The following NUDT19 variants were observed in gnomAD, a reference collection of about 807,000 sequenced individuals.
The protein encoded by NUDT19 is nudix hydrolase 19, also known as acyl-coenzyme A diphosphatase NUDT19.
Under a neutral mutation model 22.2 loss-of-function variants are expected in NUDT19, and 31 were observed. The observed-to-expected ratio is 1.40, with a 90% CI of 1.05 to 1.89. The LOEUF (loss-of-function observed/expected upper bound fraction) is 1.89. Ranked by LOEUF, NUDT19 falls within the 40% of genes most tolerant of loss-of-function variation. The pLI, the probability that NUDT19 is intolerant of heterozygous loss-of-function variation, is 0.00. For synonymous variants in NUDT19, 325 were observed against 230.8 expected, an observed-to-expected ratio of 1.41 and a Z score of -3.70; for missense variants, 752 against 514.2, an observed-to-expected ratio of 1.46 and a Z score of -4.47.
intron 1 of NUDT19, among the ~76,000 whole-genome samples, chr19:32,700,300 G>A (rs1271088697): frequency 6.6e-6 from 1 of 152,202 alleles, no homozygotes; most frequent in African/African-American, 2.4e-5. Context: ...TTTACAGAGT[G>A]CTAATTGGTG....
Position 32,706,607 on chromosome 19 carries a change from C to G in NUDT19, c.715-2578C>G, listed in dbSNP as rs1474136689. On this transcript the variant is annotated intron_variant, in intron 1 of 2. Transcript: ENST00000397061. ...CTGAGACAGGAAAATCGCTTGAACC[C>G]AGGAGGTGGAGTTTGCAGTGAGCAG... 3.3e-5 allele frequency among the ~76,000 whole-genome samples: 5 copies of G among 152,270 alleles called. No homozygotes were observed. The East Asian group carries it at 9.6e-4, about 29-fold the overall frequency.
Position 32,692,221 on chromosome 19 carries a change from G to C in NUDT19, c.261G>C (p.Pro87=). 1 of 1,584,050 alleles carries C rather than the reference G, an allele frequency of 6.3e-7. No individual in the cohort carries two copies. Among genetic ancestry groups the C allele is most frequent in the Non-Finnish European group, 8.5e-7 (1 of 1,174,008 alleles). ...LGLFAPHHGP[P]RFGLGPAPFS... is the part of the protein sequence containing the mutation. ...TCTTCGCGCCGCACCACGGGCCGCC[G>C]CGCTTCGGCCTGGGCCCGGCGCCAT... Residue 87 remains proline (P), a synonymous_variant, in exon 1 of 3, where the codon CCG becomes CCC. Transcript: ENST00000397061.
chr19:32,692,317 T>G lies in NUDT19; in HGVS notation c.357T>G (p.Pro119=). The change falls in exon 1 of 3, where the codon CCT becomes CCG. Residue 119 remains proline, a synonymous_variant. Coordinates refer to ENST00000397061, the MANE Select transcript of NUDT19 (RefSeq NM_001105570.2). ...AGACCGACAACACTGGGACGCTGCC[T>G]GAGGACGTAGCCTTCCGCATCTGCG... The part of the protein sequence containing the change: ...DHKTDNTGTL[P]EDVAFRICAV... The G allele has an allele frequency of 1.3e-6, 2 of 1,592,776 alleles. No homozygotes were observed. The highest frequency in any genetic ancestry group is 3.3e-5 in the Admixed American group (2 of 59,704).
rs1232804391 is a variant in NUDT19, at chr19:32,712,255, T to A, written c.*298T>A. On this transcript the variant is annotated 3_prime_UTR_variant, in exon 3 of 3. Transcript: ENST00000397061. ...ATGCCCAGCTAATTTTTTTTTGTAT[T>A]TTTAGTAGAGACGGGTTTTCACCGT... is the stretch of plus-strand genomic sequence containing the variant. The A allele has an allele frequency of 1.2e-5, 3 of 257,018 alleles. No homozygotes were observed. The Admixed American group carries it at 1.5e-4, about 13-fold the overall frequency. The allele number at this position is 257,018 out of a possible 1,614,324, so 15.9% of individuals were successfully genotyped here.
intron 1 of NUDT19, among the ~76,000 whole-genome samples, chr19:32,699,629 A>C (rs1968309648): frequency 6.6e-6 from 1 of 152,292 alleles, no homozygotes; most frequent in East Asian, 1.9e-4. Flanking sequence ...TTAGCTCTCA[A>C]ATTCTAAGGA....
In NUDT19 at chr19:32,692,625, G is replaced by T; in HGVS notation, c.665G>T (p.Arg222Leu). Reference sequence around the variant, plus strand: ...ACGGCCTTCTTCCTGTGCTGCCTGCGCGAGCCGCCGCCCGTCTACCCCGAC... The same window carrying T: ...ACGGCCTTCTTCCTGTGCTGCCTGCTCGAGCCGCCGCCCGTCTACCCCGAC... ...FDTAFFLCCLREPPPVYPDLA... is the reference protein window; with the variant it reads ...FDTAFFLCCLLEPPPVYPDLA... The change falls in exon 1 of 3, where the codon CGC becomes CTC. Residue 222 changes from arginine (R) to leucine (L), a missense_variant. Arg to Leu is a moderately radical substitution (Grantham distance 102). Coordinates refer to ENST00000397061, the MANE Select transcript of NUDT19 (RefSeq NM_001105570.2). 6.5e-7 allele frequency: 1 copy of T among 1,534,376 alleles called. No homozygotes were observed. Among genetic ancestry groups the T allele is most frequent in the South Asian group, 1.2e-5 (1 of 80,256 alleles).
At chr19:32,701,117 TAAG>T (rs1237089383) in intron 1 of NUDT19, among the ~76,000 whole-genome samples, 1 of 151,444 alleles carries the variant, frequency 6.6e-6, no homozygotes, top group Non-Finnish European at 1.5e-5. Context: ...CCTTTGCACC[TAAG>T]AAGAATATGT....
intron 1 of NUDT19, among the ~76,000 whole-genome samples, chr19:32,707,230 A>T (rs1968395862): frequency 6.6e-6 from 1 of 152,226 alleles, no homozygotes; most frequent in Non-Finnish European, 1.5e-5. Flanking sequence ...GTTATCACTG[A>T]ACTCATACGG....
intron 1 of NUDT19, among the ~76,000 whole-genome samples, chr19:32,699,811 G>A (rs956814825): frequency 6.6e-6 from 1 of 152,174 alleles, no homozygotes; most frequent in African/African-American, 2.4e-5. Context: ...GAGTGTTACA[G>A]TTCTTAAAGA....
rs1240481449 is a variant in NUDT19, at chr19:32,692,130, C to A, written c.170C>A (p.Pro57Gln). 9 of 1,473,730 alleles carry A rather than the reference C, an allele frequency of 6.1e-6. No homozygotes were observed. The highest frequency in any genetic ancestry group is 7.1e-6 in the Non-Finnish European group (8 of 1,121,604). The allele number at this position is 1,473,730 out of a possible 1,614,324, so 91.3% of individuals were successfully genotyped here. A position where few individuals can be genotyped will look rare whatever the true frequency, so the allele number is the denominator to read the frequency against. ...LQRSPHQGFM[P>Q]GAHVFSGGVL... is the part of the protein sequence containing the mutation. Reference sequence around the variant, plus strand: ...CGCTCCCCGCACCAAGGCTTCATGCCGGGCGCGCACGTCTTCTCCGGCGGA... The same window carrying A: ...CGCTCCCCGCACCAAGGCTTCATGCAGGGCGCGCACGTCTTCTCCGGCGGA... The change falls in exon 1 of 3, where the codon CCG becomes CAG. Residue 57 changes from proline to glutamine, a missense_variant. Pro to Gln is a moderately conservative substitution (Grantham distance 76, BLOSUM62 -1). Transcript: ENST00000397061.
Position 32,700,319 on chromosome 19 carries a change from A to G in NUDT19, c.714+7645A>G, listed in dbSNP as rs572994805. Among the ~76,000 whole-genome samples the G allele has an allele frequency of 2.3e-4, 35 of 152,284 alleles. 1 individual carries two copies. Among genetic ancestry groups the G allele is most frequent in the African/African-American group, 7.7e-4 (32 of 41,546 alleles). The stretch of plus-strand genomic sequence containing the variant: ...CAGAGTGCTAATTGGTGTATTTACA[A>G]ACCTTTAGCTAGACACAGAGTGCTG... On this transcript the variant is annotated intron_variant, in intron 1 of 2. Coordinates refer to ENST00000397061, the MANE Select transcript of NUDT19 (RefSeq NM_001105570.2).
chr19:32,711,667 CGAT>C, intron 2 of NUDT19, 82 bp from the exon 3 acceptor site: 1 of 739,200 alleles, frequency 1.4e-6, no homozygotes, highest in Non-Finnish European at 2.3e-6. Context: ...AAATAATACT[CGAT>C]GGAATTAAAA....
chr19:32,704,150 G>A (rs138691632), intron 1 of NUDT19, among the ~76,000 whole-genome samples: 2 of 152,174 alleles, frequency 1.3e-5, no homozygotes, highest in Non-Finnish European at 2.9e-5. Flanking sequence ...CTTTGGCTAG[G>A]TATAAAATTC....
chr19:32,692,347 G>T lies in NUDT19; in HGVS notation c.387G>T (p.Val129=), dbSNP rs1020151149. 1.3e-6 allele frequency: 2 copies of T among 1,590,866 alleles called. No individual in the cohort carries two copies. Among genetic ancestry groups the T allele is most frequent in the Admixed American group, 1.7e-5 (1 of 59,582 alleles). The change falls in exon 1 of 3, where the codon GTG becomes GTT. Residue 129 remains valine, a synonymous_variant. Transcript: ENST00000397061. ...PEDVAFRICA[V]REAFEEAGVL... Reference sequence around the variant, plus strand: ...ACGTAGCCTTCCGCATCTGCGCCGTGCGGGAGGCCTTTGAGGAGGCGGGCG... The same window carrying T: ...ACGTAGCCTTCCGCATCTGCGCCGTTCGGGAGGCCTTTGAGGAGGCGGGCG...
rs1245209640 is a variant in NUDT19 at position 32,691,916 on chromosome 19, T to C, written c.-45T>C. The C allele has an allele frequency of 1.2e-5, 14 of 1,134,272 alleles. No individual in the cohort carries two copies. The highest frequency in any genetic ancestry group is 9.0e-5 in the South Asian group (2 of 22,140). 70.3% of individuals were successfully genotyped at this position (1,134,272 alleles called of 1,614,324 possible). ...CCCTGCAGGGCCGGGCCACCTGCCG[T>C]GGAGCTCAGGCCGCGCCAGAATCGG... On this transcript the variant is annotated 5_prime_UTR_variant, in exon 1 of 3. Coordinates refer to ENST00000397061, the MANE Select transcript of NUDT19 (RefSeq NM_001105570.2).
intron 1 of NUDT19, among the ~76,000 whole-genome samples, chr19:32,699,799 G>C (rs140390039): frequency 6.6e-6 from 1 of 152,208 alleles, no homozygotes; most frequent in Non-Finnish European, 1.5e-5. Flanking sequence ...GACCCTTGCG[G>C]TGAGTGTTAC....
intron 1 of NUDT19, among the ~76,000 whole-genome samples, chr19:32,701,199 G>GTTTTTT (rs3042685): frequency 6.9e-5 from 7 of 101,026 alleles, no homozygotes; most frequent in Admixed American, 1.2e-4. Flanking sequence ...CATCTTGCAG[G>GTTTTTT]TTTTTTTTTT....
At chr19:32,698,731 C>T (rs1968296463) in intron 1 of NUDT19, among the ~76,000 whole-genome samples, 1 of 152,144 alleles carries the variant, frequency 6.6e-6, no homozygotes, top group African/African-American at 2.4e-5. Flanking sequence ...ATTTCGTGGC[C>T]CTTACCAACA....
At chr19:32,708,320 G>T (rs540223861) in intron 1 of NUDT19, among the ~76,000 whole-genome samples, 24 of 151,232 alleles carry the variant, frequency 1.6e-4, no homozygotes, top group African/African-American at 5.8e-4. Context: ...CCAGTTACTT[G>T]GGAGGCTGAG....
Sources: allele counts gnomAD v4.1 joint callset (sites outside exome capture counted in the v4.1 genomes callset), GRCh38; gene constraint gnomAD v4.1.1; transcripts MANE v1.5; gene names NCBI Gene and HGNC (gene_info 2026-07-23, HGNC 2026-07-21).